DHRS7B: variants seen among roughly 807,000 people sequenced by gnomAD.
The protein encoded by DHRS7B is dehydrogenase/reductase 7B.
DHRS7B carries 24 observed loss-of-function variants against 26.4 expected under a neutral mutation model. That is an observed-to-expected ratio of 0.91 (90% CI 0.66 to 1.28). DHRS7B has a LOEUF of 1.28. Ranked by LOEUF, DHRS7B falls within the 50% of genes most tolerant of loss-of-function variation. The pLI is 0.00. For missense variants in DHRS7B, 368 were observed against 419.4 expected, an observed-to-expected ratio of 0.88 and a Z score of 1.07; for synonymous variants, 142 against 166.4, an observed-to-expected ratio of 0.85 and a Z score of 1.13.
chr17:21,166,763 G>A (rs757368918), intron 1 of DHRS7B, among the ~76,000 whole-genome samples: 5 of 152,268 alleles, frequency 3.3e-5, no homozygotes, highest in Non-Finnish European at 2.9e-5. Context: ...ACTCCTTGCC[G>A]TGTGATTTCA....
intron 1 of DHRS7B, among the ~76,000 whole-genome samples, chr17:21,169,368 A>T (rs1162280572): frequency 6.6e-6 from 1 of 152,190 alleles, no homozygotes; most frequent in Non-Finnish European, 1.5e-5. Context: ...CTTTGAGTTA[A>T]TGGTGGTCAT....
intron 2 of DHRS7B, 54 bp downstream of exon 2, chr17:21,172,250 A>C: frequency 6.4e-7 from 1 of 1,560,546 alleles, no homozygotes; most frequent in Middle Eastern, 2.1e-4. Flanking sequence ...GCCAGGGATG[A>C]GGAGCGGCCC....
At position 21,184,389 on chromosome 17, in the gene DHRS7B, T is replaced by G. The variant is rs1459908219; in HGVS notation, c.545T>G (p.Ile182Ser). The G allele has an allele frequency of 2.5e-6, 4 of 1,614,134 alleles. No individual in the cohort carries two copies. Reference sequence around the variant, plus strand: ...TCCTCAGCACTCCTGCCCTCCATGATCAAGAGGAGGCAAGGCCACATTGTC... The same window carrying G: ...TCCTCAGCACTCCTGCCCTCCATGAGCAAGAGGAGGCAAGGCCACATTGTC... ...ALTKALLPSM[I>S]KRRQGHIVAI... The change falls in exon 5 of 7, where the codon ATC becomes AGC. Residue 182 changes from isoleucine to serine, a missense_variant. Coordinates refer to ENST00000395511, the MANE Select transcript of DHRS7B (RefSeq NM_015510.5).
intron 1 of DHRS7B, among the ~76,000 whole-genome samples, chr17:21,164,030 C>CTTTTTTTT (rs35189205): frequency 1.1e-4 from 11 of 96,966 alleles, no homozygotes; most frequent in South Asian, 3.5e-4. Flanking sequence ...AATTGTTGTG[C>CTTTTTTTT]TTTTTTTTTT....
rs1194716115 is a variant in DHRS7B, at chr17:21,178,304, G to T, written c.271G>T (p.Glu91Ter). ...TGGCCGGAATGGTGGGGCCCTAGAA[G>T]AGCTCATCAGAGAACTCACCGCTTC... is the stretch of plus-strand genomic sequence containing the variant. ...LCGRNGGALE[E>*]LIRELTASHA... Residue 91 changes from glutamate to a stop codon, truncating the protein, a stop_gained, in exon 3 of 7, where the codon GAG becomes TAG. Transcript: ENST00000395511. LOFTEE classifies it high-confidence loss of function. The T allele has an allele frequency of 6.2e-7, 1 of 1,614,170 alleles. No individual in the cohort carries two copies. Among genetic ancestry groups the T allele is most frequent in the African/African-American group, 1.3e-5 (1 of 75,064 alleles).
chr17:21,155,365 A>G (rs370251295), intron 1 of DHRS7B, among the ~76,000 whole-genome samples: 145 of 152,360 alleles, frequency 9.5e-4, no homozygotes, highest in Middle Eastern at 3.4e-3. Context: ...AGAGTAGACT[A>G]CAGAGCAAGG....
chr17:21,139,519 C>A (rs1973441229), intron 1 of DHRS7B, among the ~76,000 whole-genome samples: 1 of 151,890 alleles, frequency 6.6e-6, no homozygotes, highest in Non-Finnish European at 1.5e-5. Flanking sequence ...ACTAAAAATA[C>A]AAAAATTAGC....
intron 1 of DHRS7B, among the ~76,000 whole-genome samples, chr17:21,148,030 A>G (rs1460547541): frequency 6.6e-6 from 1 of 152,128 alleles, no homozygotes; most frequent in African/African-American, 2.4e-5. Context: ...AGCCTAGGTA[A>G]CATGGTGAGA....
intron 1 of DHRS7B, among the ~76,000 whole-genome samples, chr17:21,162,930 T>C (rs1974029363): frequency 6.6e-6 from 1 of 152,182 alleles, no homozygotes; most frequent in Non-Finnish European, 1.5e-5. Flanking sequence ...GCACAGTGGC[T>C]CACGCCTGTA....
At chr17:21,180,950 C>G (rs1201035512) in intron 3 of DHRS7B, among the ~76,000 whole-genome samples, 11 of 152,330 alleles carry the variant, frequency 7.2e-5, no homozygotes, top group Non-Finnish European at 2.9e-5. Flanking sequence ...GATGTCTTTC[C>G]ATGAACTTAC....
chr17:21,177,222 C>A (rs1974399817), intron 2 of DHRS7B, among the ~76,000 whole-genome samples: 1 of 152,208 alleles, frequency 6.6e-6, no homozygotes, highest in African/African-American at 2.4e-5. Context: ...AGCTCTGGGG[C>A]CTGCCCGCGT....
intron 2 of DHRS7B, among the ~76,000 whole-genome samples, chr17:21,174,599 CCT>C (rs905279378): frequency 4.6e-5 from 7 of 152,210 alleles, no homozygotes; most frequent in African/African-American, 1.7e-4. Flanking sequence ...ACTTTCATTT[CCT>C]CTCTTTTTAG....
At chr17:21,175,748 G>C (rs1974361471) in intron 2 of DHRS7B, among the ~76,000 whole-genome samples, 1 of 151,960 alleles carries the variant, frequency 6.6e-6, no homozygotes, top group Non-Finnish European at 1.5e-5. Flanking sequence ...GAGCAGCCTG[G>C]GCAACATGGC....
intron 5 of DHRS7B, 113 bp from the exon 6 acceptor site, chr17:21,188,598 C>A: frequency 8.0e-7 from 1 of 1,245,964 alleles, no homozygotes; most frequent in Non-Finnish European, 1.1e-6. Context: ...AAGACGATCA[C>A]AAATAAAACC....
At chr17:21,179,541 A>C (rs1220342997) in intron 3 of DHRS7B, among the ~76,000 whole-genome samples, 1 of 152,172 alleles carries the variant, frequency 6.6e-6, no homozygotes, top group African/African-American at 2.4e-5. Flanking sequence ...TGGAGGTTAC[A>C]GTGAACCAAG....
At chr17:21,162,618 G>A (rs1036245100) in intron 1 of DHRS7B, among the ~76,000 whole-genome samples, 10 of 152,156 alleles carry the variant, frequency 6.6e-5, no homozygotes, top group Non-Finnish European at 1.2e-4. Context: ...TTTGTGAGAT[G>A]CTATGGAGGC....
chr17:21,173,012 C>G (rs1974295470), intron 2 of DHRS7B, among the ~76,000 whole-genome samples: 1 of 152,176 alleles, frequency 6.6e-6, no homozygotes, highest in African/African-American at 2.4e-5. Flanking sequence ...TGAGGAGTTC[C>G]CTGAATTGTG....
chr17:21,136,974 CTT>C (rs1206464371), intron 1 of DHRS7B, among the ~76,000 whole-genome samples: 5 of 144,490 alleles, frequency 3.5e-5, no homozygotes, highest in Non-Finnish European at 3.1e-5. Flanking sequence ...ATTTTTATTT[CTT>C]TTTTTTTTTT....
intron 2 of DHRS7B, among the ~76,000 whole-genome samples, chr17:21,174,087 G>A (rs1180819045): frequency 6.6e-6 from 1 of 152,176 alleles, no homozygotes; most frequent in Non-Finnish European, 1.5e-5. Flanking sequence ...CCTCCATCCA[G>A]ATAAAGTAGG....
Sources: allele counts gnomAD v4.1 joint callset (sites outside exome capture counted in the v4.1 genomes callset), GRCh38; gene constraint gnomAD v4.1.1; transcripts MANE v1.5; gene names NCBI Gene and HGNC (gene_info 2026-07-23, HGNC 2026-07-21).